The following C14orf93 variants were observed in gnomAD, a reference collection of about 807,000 sequenced individuals.
C14orf93 encodes the protein uncharacterized protein C14orf93.
C14orf93 carries 23 observed loss-of-function variants against 44.0 expected under a neutral mutation model. The ratio of observed to expected loss-of-function variants is 0.52; its 90% confidence interval spans 0.38 to 0.74. The LOEUF (loss-of-function observed/expected upper bound fraction) is 0.74. Among genes scored for constraint, C14orf93 ranks in the 30% least tolerant of loss-of-function variants. The probability of loss-of-function intolerance (pLI) is 0.00; values close to 1 mark genes in which losing one functional copy is unlikely to be tolerated. For missense variants in C14orf93, 579 were observed against 678.9 expected (o/e 0.85, Z 1.64); for synonymous variants, 253 against 265.7 (o/e 0.95, Z 0.46).
At chr14:22,988,330 G>T (rs2045369289) in intron 5 of C14orf93, among the ~76,000 whole-genome samples, 1 of 151,996 alleles carries the variant, frequency 6.6e-6, no homozygotes, top group Non-Finnish European at 1.5e-5. Context: ...TCTCCATGTT[G>T]GTCAGGCTGG....
At chr14:23,006,181 C>T (rs1310666485) in intron 1 of C14orf93, 1 of 152,160 alleles carries the variant, frequency 6.6e-6, no homozygotes, top group African/African-American at 2.4e-5. Flanking sequence ...CTTAAAGCTC[C>T]TGCTGTGTTG....
chr14:23,001,239 A>G (rs1231235604), intron 1 of C14orf93, among the ~76,000 whole-genome samples: 1 of 152,212 alleles, frequency 6.6e-6, no homozygotes, highest in African/African-American at 2.4e-5. Flanking sequence ...GCTGTGGGCA[A>G]AAGAATGTTT....
chr14:23,001,196 C>T (rs987824041), intron 1 of C14orf93: 1 of 152,212 alleles, frequency 6.6e-6, no homozygotes, highest in African/African-American at 2.4e-5. Context: ...ATTTAACCTA[C>T]ATCATGCAGG....
intron 2 of C14orf93, chr14:22,998,216 C>T (rs1284687050): frequency 4.5e-6 from 3 of 667,468 alleles, no homozygotes; most frequent in Admixed American, 3.6e-5. Flanking sequence ...TCACTACACA[C>T]AGCAAAAAAT....
At chr14:23,001,114 A>G (rs1322510677) in intron 1 of C14orf93, 1 of 152,238 alleles carries the variant, frequency 6.6e-6, no homozygotes, top group African/African-American at 2.4e-5. Context: ...TAGATGAATC[A>G]CTTATGTATT....
At chr14:23,007,758 C>G (rs1200271046) in intron 1 of C14orf93, among the ~76,000 whole-genome samples, 1 of 152,170 alleles carries the variant, frequency 6.6e-6, no homozygotes, top group Admixed American at 6.5e-5. Context: ...TCAGGGAGAG[C>G]TCTCCCTATT....
rs768502210 is a variant in C14orf93, at chr14:22,998,762, C to T, written c.262G>A (p.Glu88Lys). The T allele has an allele frequency of 2.5e-6, 4 of 1,614,142 alleles. No homozygotes were observed. In the South Asian group the frequency reaches 4.4e-5, roughly 18 times the overall value. Residue 88 changes from glutamate to lysine, a missense_variant, in exon 2 of 7, where the codon GAG becomes AAG. By Grantham distance (56) the Glu-to-Lys change is moderately conservative. Transcript: ENST00000299088. ...AALGLARANN[E>K]LLKRLQEEVG... ...TCCTCCTGGAGACGTTTTAACAACTCATTGTTGGCCCTGGCAAGACCCAGA... is the reference window on the plus strand; with the variant it reads ...TCCTCCTGGAGACGTTTTAACAACTTATTGTTGGCCCTGGCAAGACCCAGA...
rs2045279975 is a variant in C14orf93, at chr14:22,987,323, C to G, written c.1509G>C (p.Glu503Asp). 6.2e-7 allele frequency: 1 copy of G among 1,614,152 alleles called. No homozygotes were observed. The highest frequency in any genetic ancestry group is 1.7e-5 in the Admixed American group (1 of 60,012). The change falls in exon 7 of 7, where the codon GAG becomes GAC. Residue 503 changes from glutamate (E) to aspartate (D), a missense_variant. By Grantham distance (45) the Glu-to-Asp change is conservative. Coordinates refer to ENST00000299088, the MANE Select transcript of C14orf93 (RefSeq NM_021944.4). This position sits in a 1 kb window ranked among gnomAD's most constrained non-coding sequence, Gnocchi z 5.6. Reference sequence around the variant, plus strand: ...AGCCAGGTGCATTCTCATCCCCTCCCTCATCTTCCTCTTCTTGGAAATTAG... The same window carrying G: ...AGCCAGGTGCATTCTCATCCCCTCCGTCATCTTCCTCTTCTTGGAAATTAG... ...YNPNFQEEED[E>D]GGDENAPGSP...
intron 1 of C14orf93, among the ~76,000 whole-genome samples, chr14:23,000,584 C>T (rs570105107): frequency 2.6e-5 from 4 of 151,980 alleles, no homozygotes; most frequent in Non-Finnish European, 4.4e-5. Context: ...GGCGTAGTGG[C>T]GGGCATCTGT....
At position 22,987,079 on chromosome 14, in the gene C14orf93, A is replaced by G. The variant is rs2045262667; in HGVS notation, c.*136T>C. 2.2e-6 allele frequency: 2 copies of G among 903,150 alleles called. No homozygotes were observed. Among genetic ancestry groups the G allele is most frequent in the South Asian group, 3.6e-5 (2 of 56,006 alleles). The allele number at this position is 903,150 out of a possible 1,614,324, so 55.9% of individuals were successfully genotyped here. On this transcript the variant is annotated 3_prime_UTR_variant, in exon 7 of 7. Transcript: ENST00000299088. This position sits in a 1 kb window ranked among gnomAD's most constrained non-coding sequence, Gnocchi z 5.6. ...CACCAGTGTTCTGCTTCCCCAGTAG[A>G]GACTGTGTTAAGAAAAGAGGCAAAT...
rs984842828 is a variant in C14orf93, at chr14:22,988,124, T to C, written c.1085-109A>G. ...GAATGGGAGGTTGGCGATCACTACT[T>C]AGATGAGGGCTTTTTTTTTTTTTTT... On this transcript the variant is annotated intron_variant, in intron 5 of 6. Transcript: ENST00000299088. 196 of 668,552 alleles carry C rather than the reference T, an allele frequency of 2.9e-4. 1 individual carries two copies. The highest frequency in any genetic ancestry group is 8.2e-5 in the Non-Finnish European group (32 of 389,834). The allele number at this position is 668,552 out of a possible 1,614,324, so 41.4% of individuals were successfully genotyped here.
At chr14:23,005,563 G>C (rs1197106292) in intron 1 of C14orf93, 1 of 152,178 alleles carries the variant, frequency 6.6e-6, no homozygotes, top group Non-Finnish European at 1.5e-5. Flanking sequence ...TGTTTAAGTA[G>C]AAAGTCCTGA....
At chr14:23,007,451 G>A (rs2046684699) in intron 1 of C14orf93, among the ~76,000 whole-genome samples, 1 of 152,176 alleles carries the variant, frequency 6.6e-6, no homozygotes, top group African/African-American at 2.4e-5. Flanking sequence ...CACGTTGGGT[G>A]GTGGCCGACT....
chr14:22,990,474 CTT>C (rs34351363), intron 3 of C14orf93, among the ~76,000 whole-genome samples: 17 of 146,262 alleles, frequency 1.2e-4, no homozygotes, highest in Non-Finnish European at 7.5e-5. Context: ...ACTTTTCTTT[CTT>C]TTTTTTTTTT....
intron 3 of C14orf93, among the ~76,000 whole-genome samples, chr14:22,995,608 A>AGGT (rs1241433251): frequency 7.6e-6 from 1 of 131,080 alleles, no homozygotes; most frequent in African/African-American, 2.9e-5. Context: ...TGAACCTGGG[A>AGGT]GGTGGAGGTT....
chr14:23,006,688 A>C (rs1013337549), intron 1 of C14orf93: 1 of 152,262 alleles, frequency 6.6e-6, no homozygotes, highest in Non-Finnish European at 1.5e-5. Flanking sequence ...CAAGGATGAC[A>C]AGGTGGACCC....
intron 3 of C14orf93, among the ~76,000 whole-genome samples, chr14:22,994,492 C>T (rs762991372): frequency 2.0e-5 from 3 of 149,550 alleles, no homozygotes; most frequent in Non-Finnish European, 3.0e-5. Context: ...GGTGACAGAG[C>T]GAGACTAAAA....
At chr14:22,998,405 A>G in intron 2 of C14orf93, 22 bp downstream of exon 2, 1 of 1,500,704 alleles carries the variant, frequency 6.7e-7, no homozygotes, top group African/African-American at 1.4e-5. Context: ...TAGGAGGAAT[A>G]GCCCTCTGCT....
intron 2 of C14orf93, among the ~76,000 whole-genome samples, chr14:22,997,575 T>C (rs2046064529): frequency 6.6e-6 from 1 of 152,202 alleles, no homozygotes; most frequent in Admixed American, 6.5e-5. Flanking sequence ...ATGTGTGACA[T>C]TCTGCAGTTC....
Sources: allele counts gnomAD v4.1 joint callset (sites outside exome capture counted in the v4.1 genomes callset), GRCh38; gene constraint gnomAD v4.1.1; non-coding constraint Gnocchi (gnomAD v3.1); transcripts MANE v1.5; gene names NCBI Gene and HGNC (gene_info 2026-07-23, HGNC 2026-07-21).